Variants in MYO3A observed in about 807,000 individuals in gnomAD.
MYO3A encodes the protein myosin-IIIa.
Under a neutral mutation model 192.7 loss-of-function variants are expected in MYO3A, and 180 were observed. The ratio of observed to expected loss-of-function variants is 0.93; its 90% CI spans 0.83 to 1.06. The LOEUF (loss-of-function observed/expected upper bound fraction) is 1.06, where lower values mean the gene tolerates loss of function less well. Ranked by LOEUF, MYO3A falls within the 50% of genes least tolerant of loss-of-function variation. The probability of loss-of-function intolerance (pLI) is 0.00; values close to 1 mark genes in which losing one functional copy is unlikely to be tolerated. For missense variants in MYO3A, 1,896 were observed against 1,905.0 expected, an observed-to-expected ratio of 1.00 and a Z score of 0.09; for synonymous variants, 628 against 645.3, an observed-to-expected ratio of 0.97 and a Z score of 0.41.
chr10:26,164,354 T>C (rs577361692), intron 26 of MYO3A, among the ~76,000 whole-genome samples: 1 of 147,170 alleles, frequency 6.8e-6, no homozygotes, highest in South Asian at 2.2e-4. Context: ...AGATGGCCTC[T>C]AGAACACAGG....
chr10:25,994,307 T>A (rs1840273520), intron 4 of MYO3A, among the ~76,000 whole-genome samples: 1 of 152,228 alleles, frequency 6.6e-6, no homozygotes, highest in Non-Finnish European at 1.5e-5. Context: ...TGGTTTAAAG[T>A]CTGTTTTATC....
At position 25,952,427 on chromosome 10, in the gene MYO3A, T is replaced by C. The variant is rs965410522; in HGVS notation, c.168+149T>C. 1.9e-5 allele frequency: 19 copies of C among 1,002,382 alleles called. 1 individual carries two copies. In the South Asian group the frequency reaches 2.5e-4, roughly 13 times the overall value. 62.1% of individuals were successfully genotyped at this position (1,002,382 alleles called of 1,614,324 possible). On this transcript the variant is annotated intron_variant, in intron 3 of 34. Transcript: ENST00000642920. ...TAAATGTAAAAGAGAAGTCTACTTA[T>C]TTGCTTTTCCAAATTTCTGTGCTTA...
chr10:26,145,526 G>T lies in MYO3A; in HGVS notation c.2497G>T (p.Ala833Ser), dbSNP rs33947968. 0.076 allele frequency: 121,690 copies of T among 1,591,708 alleles called. 5,298 individuals carry two copies. The highest frequency in any genetic ancestry group is 0.088 in the Non-Finnish European group (101,909 of 1,159,690). Residue 833 changes from alanine (A) to serine (S), a missense_variant, in exon 22 of 35, where the codon GCA becomes TCA. Coordinates refer to ENST00000642920, the MANE Select transcript of MYO3A (RefSeq NM_017433.5). ...MELSFGIHHYAGKVLYNASGF... is the reference protein window; with the variant it reads ...MELSFGIHHYSGKVLYNASGF... ...ACTTAGTTTTGGAATTCACCATTAT[G>T]CAGGAAAGGTAAGAACTCTAAAGAA...
chr10:26,130,542 A>G (rs976201164), intron 20 of MYO3A, among the ~76,000 whole-genome samples: 1 of 152,244 alleles, frequency 6.6e-6, no homozygotes, highest in Non-Finnish European at 1.5e-5. Context: ...ATTTTGAAAT[A>G]AAACAACTCA....
At chr10:26,053,684 G>A (rs1429781541) in intron 10 of MYO3A, among the ~76,000 whole-genome samples, 1 of 152,056 alleles carries the variant, frequency 6.6e-6, no homozygotes, top group Non-Finnish European at 1.5e-5. Flanking sequence ...AATTAGCCAA[G>A]TGTGGTGGTG....
At chr10:26,048,106 G>C (rs1843736463) in intron 10 of MYO3A, among the ~76,000 whole-genome samples, 1 of 152,136 alleles carries the variant, frequency 6.6e-6, no homozygotes, top group Admixed American at 6.5e-5. Context: ...ATTTTTTAAG[G>C]ACAGTAGTGT....
Position 26,032,609 on chromosome 10 carries a change from C to G in MYO3A, c.953+6077C>G, listed in dbSNP as rs77613743. 3.9e-3 allele frequency among the ~76,000 whole-genome samples: 586 copies of G among 151,256 alleles called. 7 individuals carry two copies. Among genetic ancestry groups the G allele is most frequent in the African/African-American group, 0.014 (558 of 41,174 alleles). ...CCAGCCCGGGCGACAGTGTGAGACT[C>G]CATCTCAAAAAACAAAAAAACAAAA... On this transcript the variant is annotated intron_variant, in intron 10 of 34. Coordinates refer to ENST00000642920, the MANE Select transcript of MYO3A (RefSeq NM_017433.5).
intron 10 of MYO3A, 66 bp from the exon 11 acceptor site, chr10:26,066,909 A>G: frequency 1.9e-6 from 2 of 1,044,876 alleles, no homozygotes; most frequent in Non-Finnish European, 3.0e-6. Flanking sequence ...TATCATATGT[A>G]TCTAAAACTT....
At chr10:26,111,510 T>G (rs1001230418) in intron 17 of MYO3A, among the ~76,000 whole-genome samples, 3 of 152,072 alleles carry the variant, frequency 2.0e-5, no homozygotes, top group African/African-American at 7.2e-5. Flanking sequence ...CTGCCAACAT[T>G]CAGTTTCAAA....
intron 20 of MYO3A, among the ~76,000 whole-genome samples, chr10:26,137,358 T>C (rs1372423963): frequency 6.6e-6 from 1 of 152,202 alleles, no homozygotes; most frequent in Non-Finnish European, 1.5e-5. Flanking sequence ...ATTGTGAAGA[T>C]TTCATAGACA....
chr10:26,070,346 C>G lies in MYO3A; in HGVS notation c.1304C>G (p.Ala435Gly). ...ATTGTTATTTCTGGAGAAAGTGGTG[C>G]TGGAAAGACTGAAAATGCTCATCTT... ...QCIVISGESG[A>G]GKTENAHLLV... The change falls in exon 14 of 35, where the codon GCT becomes GGT. Residue 435 changes from alanine (A) to glycine (G), a missense_variant. Ala to Gly is a moderately conservative substitution (Grantham distance 60). Transcript: ENST00000642920. The G allele has an allele frequency of 6.2e-7, 1 of 1,613,280 alleles. No homozygotes were observed. Among genetic ancestry groups the G allele is most frequent in the Non-Finnish European group, 8.5e-7 (1 of 1,179,474 alleles).
At chr10:26,090,016 T>A (rs1836600395) in intron 15 of MYO3A, among the ~76,000 whole-genome samples, 1 of 152,200 alleles carries the variant, frequency 6.6e-6, no homozygotes, top group South Asian at 2.1e-4. Flanking sequence ...TGCCCAAAAC[T>A]CAGTGGACAT....
chr10:26,134,860 C>G (rs139714799), intron 20 of MYO3A, among the ~76,000 whole-genome samples: 77 of 152,220 alleles, frequency 5.1e-4, no homozygotes, highest in African/African-American at 1.8e-3. Context: ...GCAATGTTTT[C>G]ATGAATAGGC....
intron 18 of MYO3A, among the ~76,000 whole-genome samples, chr10:26,123,001 G>A (rs1451163144): frequency 2.0e-5 from 3 of 152,108 alleles, no homozygotes; most frequent in African/African-American, 4.8e-5. Flanking sequence ...CTAGGGAATC[G>A]GTATTGTAGG....
chr10:26,090,109 A>G (rs1176948427), intron 15 of MYO3A, among the ~76,000 whole-genome samples: 3 of 152,304 alleles, frequency 2.0e-5, no homozygotes, highest in African/African-American at 4.8e-5. Context: ...TCTCAAAACC[A>G]TTTGTTCTGC....
At chr10:25,993,497 TG>T (rs1365350639) in intron 4 of MYO3A, among the ~76,000 whole-genome samples, 1 of 152,200 alleles carries the variant, frequency 6.6e-6, no homozygotes, top group Non-Finnish European at 1.5e-5. Flanking sequence ...AAGGGTTTTT[TG>T]TGTCTCTATC....
intron 4 of MYO3A, among the ~76,000 whole-genome samples, chr10:25,994,061 A>C (rs180944964): frequency 1.6e-3 from 248 of 152,092 alleles, no homozygotes; most frequent in African/African-American, 5.9e-3. Flanking sequence ...CAATTCCTGG[A>C]TATCCTTGTT....
intron 20 of MYO3A, 103 bp from the exon 21 acceptor site, chr10:26,143,345 C>A: frequency 2.4e-6 from 3 of 1,260,584 alleles, no homozygotes; most frequent in Non-Finnish European, 3.4e-6. Flanking sequence ...AAAGCAAGGT[C>A]AAAGGGAGCA....
intron 8 of MYO3A, chr10:26,022,791 T>A (rs2131091821): frequency 6.6e-6 from 1 of 152,316 alleles, no homozygotes; most frequent in East Asian, 1.9e-4. Context: ...TTACTCTTGA[T>A]GATAATGCCA....
Sources: allele counts gnomAD v4.1 joint callset (sites outside exome capture counted in the v4.1 genomes callset), GRCh38; gene constraint gnomAD v4.1.1; transcripts MANE v1.5; gene names NCBI Gene and HGNC (gene_info 2026-07-23, HGNC 2026-07-21).